Variants in NPHP4 observed in about 807,000 individuals in gnomAD.
The protein encoded by NPHP4 is nephrocystin-4.
In NPHP4, 151 loss-of-function variants were observed where a neutral mutation model predicts 155.8. The ratio of observed to expected loss-of-function variants is 0.97; its 90% CI spans 0.85 to 1.11. The LOEUF is 1.11. Among genes scored for constraint, NPHP4 ranks in the 50% least tolerant of loss-of-function variants. The probability of loss-of-function intolerance (pLI) is 0.00; values close to 1 mark genes in which losing one functional copy is unlikely to be tolerated. For missense variants in NPHP4, 1,956 were observed against 1,925.7 expected (o/e 1.02, Z -0.29); for synonymous variants, 845 against 816.8 (o/e 1.03, Z -0.59).
rs115595754 is a variant in NPHP4 at position 5,883,674 on chromosome 1, T to G, written c.2486-3435A>C. Among the ~76,000 whole-genome samples, 684 of 152,298 alleles carry G rather than the reference T, an allele frequency of 4.5e-3. 8 individuals carry two copies. Among genetic ancestry groups the G allele is most frequent in the African/African-American group, 0.016 (650 of 41,548 alleles). The stretch of plus-strand genomic sequence containing the variant: ...TTCACTGTGGGCTGCAGTGGGTTCA[T>G]CCTATACCCGGGGCAGCCCAGAATG... On this transcript the variant is annotated intron_variant, in intron 18 of 29. Coordinates refer to ENST00000378156, the MANE Select transcript of NPHP4 (RefSeq NM_015102.5).
intron 21 of NPHP4, 67 bp downstream of exon 21, chr1:5,874,807 G>A: frequency 6.4e-7 from 1 of 1,556,210 alleles, no homozygotes; most frequent in Non-Finnish European, 8.8e-7. Context: ...AGCCAGCTCA[G>A]CAGGGGTGCC....
At position 5,935,783 on chromosome 1, in the gene NPHP4, G is replaced by A. The variant is rs543212222; in HGVS notation, c.1120-2454C>T. 2.6e-5 allele frequency among the ~76,000 whole-genome samples: 4 copies of A among 152,318 alleles called. No homozygotes were observed. In the East Asian group the frequency reaches 5.8e-4, roughly 22 times the overall value. ...CCAGCTACTCGGGAGGCTGAGGCAG[G>A]AGAATCGCTTGAACCTAGAAGGTGG... is the stretch of plus-strand genomic sequence containing the variant. On this transcript the variant is annotated intron_variant, in intron 9 of 29. Transcript: ENST00000378156.
intron 2 of NPHP4, among the ~76,000 whole-genome samples, chr1:5,983,428 TC>T (rs1297419049): frequency 1.3e-5 from 2 of 152,208 alleles, no homozygotes; most frequent in Non-Finnish European, 2.9e-5. Context: ...AACACGTGTT[TC>T]CCTTCTGAGA....
chr1:5,867,903 G>A lies in NPHP4; in HGVS notation c.3316-7C>T. 6.2e-7 allele frequency: 1 copy of A among 1,613,980 alleles called. No homozygotes were observed. The highest frequency in any genetic ancestry group is 8.5e-7 in the Non-Finnish European group (1 of 1,179,876). ...CACTCGCTCGGAACAAGACCTGTGA[G>A]GAGGCCACGCTGAGTGTTGGGATGG... On this transcript the variant is annotated splice_region_variant and splice_polypyrimidine_tract_variant and intron_variant, in intron 23 of 29. Coordinates refer to ENST00000378156, the MANE Select transcript of NPHP4 (RefSeq NM_015102.5). This position sits in a 1 kb window ranked among gnomAD's most constrained non-coding sequence, Gnocchi z 4.1.
chr1:5,866,925 GA>G (rs1641291203), intron 25 of NPHP4, 104 bp downstream of exon 25: 1 of 857,520 alleles, frequency 1.2e-6, no homozygotes, highest in African/African-American at 1.7e-5. Flanking sequence ...CCACTTAGCA[GA>G]AAACCTAAAA....
At chr1:5,943,980 G>A (rs1439520278) in intron 9 of NPHP4, among the ~76,000 whole-genome samples, 1 of 152,044 alleles carries the variant, frequency 6.6e-6, no homozygotes, top group East Asian at 1.9e-4. Flanking sequence ...GGTGCAGGGA[G>A]CGCACCACAT....
chr1:5,874,813 G>A (rs1371357664), intron 21 of NPHP4, 61 bp downstream of exon 21: 3 of 1,565,606 alleles, frequency 1.9e-6, no homozygotes, highest in African/African-American at 2.7e-5. Context: ...CTCAGCAGGG[G>A]TGCCGGCTGC....
Position 5,948,250 on chromosome 1 carries a change from C to A in NPHP4, c.812G>T (p.Gly271Val). Residue 271 changes from glycine (G) to valine (V), a missense_variant and splice_region_variant, in exon 8 of 30, where the codon GGA becomes GTA. Gly to Val is a moderately radical substitution (Grantham distance 109). Coordinates refer to ENST00000378156, the MANE Select transcript of NPHP4 (RefSeq NM_015102.5). ...ELHVQDHFQE[G>V]CGPLDGGALE... ...GGCACCACCGTCCAGTGGGCCACATCCCTGGAAGAGGCACAGAAGGAATGA... is the reference window on the plus strand; with the variant it reads ...GGCACCACCGTCCAGTGGGCCACATACCTGGAAGAGGCACAGAAGGAATGA... 1 of 1,559,098 alleles carries A rather than the reference C, an allele frequency of 6.4e-7. No homozygotes were observed. Among genetic ancestry groups the A allele is most frequent in the Non-Finnish European group, 8.7e-7 (1 of 1,155,290 alleles).
Position 5,873,317 on chromosome 1 carries a change from T to TG in NPHP4, c.3249dup (p.Asn1084GlnfsTer19). On this transcript the variant is annotated frameshift_variant, in exon 23 of 30. Coordinates refer to ENST00000378156, the MANE Select transcript of NPHP4 (RefSeq NM_015102.5). LOFTEE classifies it high-confidence loss of function. Reference sequence around the variant, plus strand: ...GACACGGCGTCCATGCCCTTCTCGTTGCTCAACCCAGGAGAGGCCTGCAGG... The same window carrying TG: ...GACACGGCGTCCATGCCCTTCTCGTTGGCTCAACCCAGGAGAGGCCTGCAGG... The TG allele has an allele frequency of 6.2e-7, 1 of 1,613,928 alleles. No individual in the cohort carries two copies. Among genetic ancestry groups the TG allele is most frequent in the South Asian group, 1.1e-5 (1 of 91,082 alleles).
At chr1:5,921,246 C>T (rs765149011) in intron 11 of NPHP4, among the ~76,000 whole-genome samples, 46 of 152,342 alleles carry the variant, frequency 3.0e-4, no homozygotes, top group Middle Eastern at 3.4e-3. Flanking sequence ...ATTTCACTGT[C>T]CAAGTAAGTC....
intron 3 of NPHP4, among the ~76,000 whole-genome samples, chr1:5,974,112 T>C (rs879542839): frequency 1.3e-5 from 2 of 152,260 alleles, no homozygotes; most frequent in African/African-American, 4.8e-5. Flanking sequence ...CTTGACAGCA[T>C]CCACTTTTCA....
chr1:5,884,036 C>G (rs953107401), intron 18 of NPHP4, among the ~76,000 whole-genome samples: 7 of 152,192 alleles, frequency 4.6e-5, no homozygotes, highest in African/African-American at 1.4e-4. Context: ...GAAAATAAAC[C>G]AGGTAAGCTG....
intron 18 of NPHP4, 144 bp from the exon 19 acceptor site, chr1:5,880,383 A>G: frequency 1.3e-6 from 1 of 766,384 alleles, no homozygotes; most frequent in Middle Eastern, 2.4e-4. Context: ...TCTGTTTTGA[A>G]TGTTTTGCAA....
At position 5,887,287 on chromosome 1, in the gene NPHP4, C is replaced by T. The variant is rs1383646745; in HGVS notation, c.2484G>A (p.Val828=). The T allele has an allele frequency of 6.2e-7, 1 of 1,611,858 alleles. No individual in the cohort carries two copies. Among genetic ancestry groups the T allele is most frequent in the East Asian group, 2.2e-5 (1 of 44,820 alleles). ...KGRLHLTLAN[V]GHPCEQKVRG... is the part of the protein sequence containing the mutation. ...TGGCACAAGGCTGGGGACTCTTACC[C>T]ACGTTGGCCAAAGTCAGGTGCAGCC... Residue 828 remains valine, a splice_region_variant and synonymous_variant, in exon 18 of 30, where the codon GTG becomes GTA. Transcript: ENST00000378156.
chr1:5,974,738 C>A (rs116777435), intron 3 of NPHP4, among the ~76,000 whole-genome samples: 3,156 of 151,170 alleles, frequency 0.021, 89 homozygotes, highest in African/African-American at 0.07. Flanking sequence ...CTTCTGTGTT[C>A]CAAGTCTCTT....
At position 5,880,348 on chromosome 1, in the gene NPHP4, C is replaced by T. The variant is rs1015884315; in HGVS notation, c.2486-109G>A. ...TGGCTTTCAAATGGCCTATCTACAC[C>T]CTGACACGCTAAGGCCCCACCGCCT... On this transcript the variant is annotated intron_variant, in intron 18 of 29. Coordinates refer to ENST00000378156, the MANE Select transcript of NPHP4 (RefSeq NM_015102.5). 4 of 1,101,970 alleles carry T rather than the reference C, an allele frequency of 3.6e-6. No individual in the cohort carries two copies. In the African/African-American group the frequency reaches 6.2e-5, roughly 17 times the overall value. 68.3% of individuals were successfully genotyped at this position (1,101,970 alleles called of 1,614,324 possible). A position where few individuals can be genotyped will look rare whatever the true frequency, so the allele number is the denominator to read the frequency against.
chr1:5,866,055 C>T, intron 26 of NPHP4: 2 of 410,242 alleles, frequency 4.9e-6, no homozygotes, highest in South Asian at 4.4e-5. Context: ...AGCCTAGGGA[C>T]TCAGCAAGAA....
In NPHP4 at chr1:5,890,807, C is replaced by G. The variant is rs961766232; in HGVS notation, c.2304+61G>C. On this transcript the variant is annotated intron_variant, in intron 17 of 29. Transcript: ENST00000378156. This position sits in a 1 kb window ranked among gnomAD's most constrained non-coding sequence, Gnocchi z 4.9. Reference sequence around the variant, plus strand: ...CTTCCAAGCAGACAGACGCTGGAAGCGTGACTCGTCCCATGAGGGACGCAG... The same window carrying G: ...CTTCCAAGCAGACAGACGCTGGAAGGGTGACTCGTCCCATGAGGGACGCAG... The G allele has an allele frequency of 6.6e-7, 1 of 1,520,830 alleles. No individual in the cohort carries two copies. Among genetic ancestry groups the G allele is most frequent in the East Asian group, 2.4e-5 (1 of 42,120 alleles). 94.2% of individuals were successfully genotyped at this position (1,520,830 alleles called of 1,614,324 possible). A position where few individuals can be genotyped will look rare whatever the true frequency, so the allele number is the denominator to read the frequency against.
intron 20 of NPHP4, chr1:5,876,177 C>T (rs1478265410): frequency 1.3e-5 from 2 of 152,030 alleles, no homozygotes; most frequent in Non-Finnish European, 2.9e-5. Context: ...CTAAGGTTAT[C>T]CAGGCTAGGG....
Sources: allele counts gnomAD v4.1 joint callset (sites outside exome capture counted in the v4.1 genomes callset), GRCh38; gene constraint gnomAD v4.1.1; non-coding constraint Gnocchi (gnomAD v3.1); transcripts MANE v1.5; gene names NCBI Gene and HGNC (gene_info 2026-07-23, HGNC 2026-07-21).